SNX6: variants seen among roughly 807,000 people sequenced by gnomAD.
The protein encoded by SNX6 is sorting nexin-6.
In SNX6, 34 loss-of-function variants were observed where a neutral mutation model predicts 63.0. The observed-to-expected ratio is 0.54, with a 90% confidence interval of 0.41 to 0.72. The LOEUF is 0.72. SNX6 is among the 30% of genes least tolerant of loss of function. The pLI is 0.00. For synonymous variants in SNX6, 170 were observed against 164.2 expected, an observed-to-expected ratio of 1.04 and a Z score of -0.27; for missense variants, 398 against 471.4, an observed-to-expected ratio of 0.84 and a Z score of 1.44.
At chr14:34,565,662 G>A (rs560288003) in intron 13 of SNX6, among the ~76,000 whole-genome samples, 4 of 151,688 alleles carry the variant, frequency 2.6e-5, no homozygotes, top group South Asian at 2.1e-4. Context: ...GATTACAGGC[G>A]TGCACCACTA....
At chr14:34,603,294 A>AAG in intron 6 of SNX6, 54 bp downstream of exon 6, 2 of 1,535,850 alleles carry the variant, frequency 1.3e-6, no homozygotes, top group Non-Finnish European at 1.8e-6. Context: ...TCAAAAAAAA[A>AAG]AAGAAGAAGA....
intron 6 of SNX6, 118 bp downstream of exon 6, chr14:34,603,230 A>C (rs1208726332): frequency 1.8e-5 from 17 of 964,140 alleles, no homozygotes; most frequent in Non-Finnish European, 2.3e-5. Context: ...GTGAGCCAAG[A>C]TCATGCCACT....
At chr14:34,619,956 C>T (rs552416976) in intron 2 of SNX6, among the ~76,000 whole-genome samples, 16 of 152,268 alleles carry the variant, frequency 1.1e-4, no homozygotes, top group Middle Eastern at 3.4e-3. Context: ...AAGCGATCCT[C>T]CCACCTTAGC....
intron 9 of SNX6, among the ~76,000 whole-genome samples, chr14:34,585,987 C>T (rs113530258): frequency 0.074 from 11,221 of 152,100 alleles, 875 homozygotes; most frequent in African/African-American, 0.2. Flanking sequence ...TCACTGCAAC[C>T]TCTGCCTCCC....
intron 13 of SNX6, among the ~76,000 whole-genome samples, chr14:34,566,137 G>C (rs1168332031): frequency 1.3e-5 from 2 of 152,182 alleles, no homozygotes; most frequent in Non-Finnish European, 2.9e-5. Flanking sequence ...TTAGAAACCA[G>C]CTCAGGCTCA....
At chr14:34,610,275 T>C (rs1003602338) in intron 2 of SNX6, among the ~76,000 whole-genome samples, 2 of 147,930 alleles carry the variant, frequency 1.4e-5, no homozygotes, top group Admixed American at 1.4e-4. Context: ...GAAGGCTTGC[T>C]TGAGCCTAGG....
At chr14:34,603,901 TAATA>T (rs1032724942) in intron 5 of SNX6, among the ~76,000 whole-genome samples, 2 of 152,122 alleles carry the variant, frequency 1.3e-5, no homozygotes, top group African/African-American at 4.8e-5. Flanking sequence ...TTTTCAACGT[TAATA>T]ATTATTTTCA....
chr14:34,578,965 AAG>A (rs1881828690), intron 10 of SNX6, among the ~76,000 whole-genome samples: 4 of 147,764 alleles, frequency 2.7e-5, no homozygotes, highest in African/African-American at 7.5e-5. Context: ...AAAAAAAAAA[AAG>A]GTTAAACTAA....
At chr14:34,621,249 C>T (rs114248441) in intron 2 of SNX6, among the ~76,000 whole-genome samples, 187 of 152,228 alleles carry the variant, frequency 1.2e-3, no homozygotes, top group African/African-American at 4.2e-3. Flanking sequence ...GTCAGCTTCT[C>T]TCAACTTCTG....
intron 10 of SNX6, among the ~76,000 whole-genome samples, chr14:34,578,238 A>T (rs974080187): frequency 2.6e-5 from 4 of 151,958 alleles, no homozygotes; most frequent in Non-Finnish European, 5.9e-5. Context: ...CAAAAGGGAA[A>T]ATGTTAATAT....
intron 11 of SNX6, among the ~76,000 whole-genome samples, chr14:34,570,259 G>A (rs1881385117): frequency 6.6e-6 from 1 of 151,856 alleles, no homozygotes; most frequent in Non-Finnish European, 1.5e-5. Flanking sequence ...AGTAGAGACA[G>A]GGTTTCTCCA....
chr14:34,617,599 C>A (rs1235001077), intron 2 of SNX6, among the ~76,000 whole-genome samples: 27 of 129,298 alleles, frequency 2.1e-4, no homozygotes, highest in African/African-American at 7.2e-4. Context: ...CAGAGTGAGA[C>A]CCTGTCTCAA....
At chr14:34,596,223 A>G (rs1157606829) in intron 7 of SNX6, among the ~76,000 whole-genome samples, 1 of 151,922 alleles carries the variant, frequency 6.6e-6, no homozygotes, top group Non-Finnish European at 1.5e-5. Context: ...TCTCCAAAAA[A>G]AAAAAAGAAA....
intron 11 of SNX6, among the ~76,000 whole-genome samples, chr14:34,574,136 G>A (rs889031665): frequency 6.6e-6 from 1 of 151,174 alleles, no homozygotes; most frequent in African/African-American, 2.4e-5. Flanking sequence ...AGGAGTTCGA[G>A]ACCAGCCTGG....
intron 2 of SNX6, among the ~76,000 whole-genome samples, chr14:34,611,758 A>AAG (rs1011058175): frequency 6.6e-6 from 1 of 151,242 alleles, no homozygotes; most frequent in East Asian, 1.9e-4. Context: ...CAAAAAAAAA[A>AAG]AAAAAAAAAG....
Position 34,593,119 on chromosome 14 carries a change from G to A in SNX6, c.644C>T (p.Thr215Ile). 6.2e-7 allele frequency: 1 copy of A among 1,605,892 alleles called. No individual in the cohort carries two copies. Residue 215 changes from threonine to isoleucine, a missense_variant, in exon 8 of 14, where the codon ACA becomes ATA. Physicochemically the swap from Thr to Ile is moderately conservative, Grantham distance 89. Transcript: ENST00000362031. ...TCGGTTATGATACTCCAAAAGAAAT[G>A]TTCGTTCGTGCTCAAAGAAATCATC... The part of the protein sequence containing the change: ...DVDDFFEHER[T>I]FLLEYHNRVK...
chr14:34,573,508 G>A (rs1881543113), intron 11 of SNX6, among the ~76,000 whole-genome samples: 2 of 152,016 alleles, frequency 1.3e-5, no homozygotes, highest in South Asian at 4.1e-4. Context: ...CCAGCAGGCA[G>A]AGGTTGCCAT....
rs1712018630 is a variant in SNX6 at position 34,627,148 on chromosome 14, T to C, written c.54+2759A>G. Reference sequence around the variant, plus strand: ...GTATATACCACCAAGCTTGCCTAAGTTTAAAAAAAAATTGTTGGCCAGGCG... The same window carrying C: ...GTATATACCACCAAGCTTGCCTAAGCTTAAAAAAAAATTGTTGGCCAGGCG... On this transcript the variant is annotated intron_variant, in intron 2 of 13. Transcript: ENST00000362031. Among the ~76,000 whole-genome samples the C allele has an allele frequency of 3.3e-5, 5 of 152,140 alleles. No individual in the cohort carries two copies. The South Asian group carries it at 1.0e-3, about 32-fold the overall frequency.
intron 8 of SNX6, among the ~76,000 whole-genome samples, chr14:34,586,736 G>A (rs10151653): frequency 0.36 from 54,550 of 149,564 alleles, 10,241 homozygotes; most frequent in Non-Finnish European, 0.4. Context: ...GAGGTCGGGC[G>A]CAGTAGCTCA....
Sources: gnomAD v4.1 joint callset for allele counts (sites outside exome capture counted in the v4.1 genomes callset) on GRCh38, gnomAD v4.1.1 for gene constraint, MANE v1.5 for transcripts, NCBI Gene and HGNC (gene_info 2026-07-23, HGNC 2026-07-21) for gene names.